ASIC2: variants seen among roughly 807,000 people sequenced by gnomAD.
ASIC2 encodes the protein acid sensing ion channel subunit 2.
ASIC2 carries 25 observed loss-of-function variants against 57.3 expected under a neutral mutation model. The ratio of observed to expected loss-of-function variants is 0.44; its 90% CI spans 0.32 to 0.61. The LOEUF is 0.61. Among genes scored for constraint, ASIC2 ranks in the 20% least tolerant of loss-of-function variants. The probability of loss-of-function intolerance (pLI) is 0.06; values close to 1 mark genes in which losing one functional copy is unlikely to be tolerated. For missense variants in ASIC2, 641 were observed against 738.1 expected (o/e 0.87, Z 1.52); for synonymous variants, 319 against 307.5 (o/e 1.04, Z -0.39).
chr17:33,466,415 C>T (rs992151436), intron 1 of ASIC2, among the ~76,000 whole-genome samples: 2 of 152,092 alleles, frequency 1.3e-5, no homozygotes, highest in Non-Finnish European at 2.9e-5. Context: ...GCCATACTGC[C>T]CAAGGTAATT....
chr17:33,768,848 G>A (rs1189749593), intron 1 of ASIC2, among the ~76,000 whole-genome samples: 2 of 152,122 alleles, frequency 1.3e-5, no homozygotes, highest in Non-Finnish European at 2.9e-5. Flanking sequence ...GGAGGAGATG[G>A]CATGACTTTG....
At chr17:33,360,146 A>T (rs1908542762) in intron 1 of ASIC2, among the ~76,000 whole-genome samples, 1 of 152,188 alleles carries the variant, frequency 6.6e-6, no homozygotes, top group Non-Finnish European at 1.5e-5. Context: ...TATTTATTTT[A>T]ATATATACTA....
intron 1 of ASIC2, among the ~76,000 whole-genome samples, chr17:33,280,852 G>A (rs1532457): frequency 0.32 from 48,052 of 151,872 alleles, 8,424 homozygotes; most frequent in Non-Finnish European, 0.39. Context: ...TTATGGATGT[G>A]AGTTCACAGT....
intron 1 of ASIC2, among the ~76,000 whole-genome samples, chr17:33,119,560 A>G (rs568238897): frequency 3.9e-5 from 6 of 152,322 alleles, no homozygotes; most frequent in African/African-American, 1.4e-4. Flanking sequence ...AGCCAGAGGG[A>G]TTTATTAGCA....
intron 1 of ASIC2, among the ~76,000 whole-genome samples, chr17:33,924,445 A>G (rs1915780316): frequency 6.6e-6 from 1 of 152,206 alleles, no homozygotes; most frequent in Non-Finnish European, 1.5e-5. Context: ...CAGCACTACA[A>G]AGTGGATAAA....
At chr17:33,837,183 C>T (rs974462705) in intron 1 of ASIC2, among the ~76,000 whole-genome samples, 13 of 152,170 alleles carry the variant, frequency 8.5e-5, no homozygotes, top group Non-Finnish European at 1.6e-4. Context: ...TTAGGTCTTT[C>T]AAATCCCAAG....
intron 1 of ASIC2, among the ~76,000 whole-genome samples, chr17:34,030,003 C>G (rs1907529654): frequency 6.6e-6 from 1 of 152,184 alleles, no homozygotes. Flanking sequence ...CAGGCTAACA[C>G]AGAGCATGGT....
At chr17:34,030,840 G>A (rs926991200) in intron 1 of ASIC2, among the ~76,000 whole-genome samples, 1 of 152,240 alleles carries the variant, frequency 6.6e-6, no homozygotes, top group Non-Finnish European at 1.5e-5. Flanking sequence ...TTAGTTGTTT[G>A]ATTAGGTAAA....
chr17:33,516,331 AGT>A (rs1250457030), intron 1 of ASIC2, among the ~76,000 whole-genome samples: 2 of 150,896 alleles, frequency 1.3e-5, no homozygotes, highest in African/African-American at 4.9e-5. Context: ...ACAGCGTATG[AGT>A]GTGTGTGTTT....
At chr17:33,318,283 A>G (rs953383342) in intron 1 of ASIC2, among the ~76,000 whole-genome samples, 11 of 152,092 alleles carry the variant, frequency 7.2e-5, no homozygotes, top group Non-Finnish European at 1.3e-4. Context: ...GCCTATTCTT[A>G]GGAAGAGATA....
At chr17:33,588,682 A>G (rs928386285) in intron 1 of ASIC2, among the ~76,000 whole-genome samples, 1 of 152,224 alleles carries the variant, frequency 6.6e-6, no homozygotes, top group Non-Finnish European at 1.5e-5. Context: ...AGATCGCATC[A>G]CAGGCTCATT....
At chr17:33,165,710 A>G (rs921162892) in intron 1 of ASIC2, among the ~76,000 whole-genome samples, 1 of 152,160 alleles carries the variant, frequency 6.6e-6, no homozygotes, top group African/African-American at 2.4e-5. Context: ...AGTAACAAGG[A>G]CATAGCTAAT....
At chr17:33,268,341 T>TCATCCATC (rs35123270) in intron 1 of ASIC2, among the ~76,000 whole-genome samples, 72 of 147,932 alleles carry the variant, frequency 4.9e-4, no homozygotes, top group Admixed American at 7.4e-4. Flanking sequence ...CATCTTTCCA[T>TCATCCATC]CATCCATCCA....
chr17:33,279,551 G>A (rs535820051), intron 1 of ASIC2, among the ~76,000 whole-genome samples: 4 of 152,226 alleles, frequency 2.6e-5, no homozygotes, highest in South Asian at 2.1e-4. Context: ...CGTGGAGCAC[G>A]AGAGAGAGGC....
chr17:33,425,767 G>A (rs1451188252), intron 1 of ASIC2, among the ~76,000 whole-genome samples: 8 of 152,146 alleles, frequency 5.3e-5, no homozygotes, highest in Non-Finnish European at 1.0e-4. Flanking sequence ...TATTAGGGAT[G>A]AATCTGGCTG....
intron 1 of ASIC2, among the ~76,000 whole-genome samples, chr17:34,068,765 C>A (rs922597721): frequency 1.3e-5 from 2 of 152,152 alleles, no homozygotes; most frequent in African/African-American, 4.8e-5. Flanking sequence ...GATAGATGCC[C>A]CACCCCAGGC....
At chr17:34,093,024 T>C (rs993520942) in intron 1 of ASIC2, among the ~76,000 whole-genome samples, 1 of 152,252 alleles carries the variant, frequency 6.6e-6, no homozygotes. Context: ...TGTGTTGACA[T>C]ATGCAGCTCT....
chr17:33,476,463 C>G (rs902024134), intron 1 of ASIC2, among the ~76,000 whole-genome samples: 1 of 149,484 alleles, frequency 6.7e-6, no homozygotes, highest in African/African-American at 2.5e-5. Flanking sequence ...TAAAAAAATC[C>G]TTCAACTCAT....
At chr17:33,022,267 A>G (rs1347372800) in intron 6 of ASIC2, among the ~76,000 whole-genome samples, 1 of 152,084 alleles carries the variant, frequency 6.6e-6, no homozygotes, top group Non-Finnish European at 1.5e-5. Flanking sequence ...GATCTTTCTA[A>G]AACTGCTAAC....
Sources: allele counts gnomAD v4.1 joint callset (sites outside exome capture counted in the v4.1 genomes callset), GRCh38; gene constraint gnomAD v4.1.1; transcripts MANE v1.5; gene names NCBI Gene and HGNC (gene_info 2026-07-23, HGNC 2026-07-21).